ZDHHC14: variants seen among roughly 807,000 people sequenced by gnomAD.
ZDHHC14 encodes the protein zDHHC palmitoyltransferase 14, also known as palmitoyltransferase ZDHHC14.
Under a neutral mutation model 47.7 loss-of-function variants are expected in ZDHHC14, and 16 were observed. The ratio of observed to expected loss-of-function variants is 0.34; its 90% CI spans 0.23 to 0.51. ZDHHC14 has a LOEUF of 0.51. Ranked by LOEUF, ZDHHC14 falls within the 20% of genes least tolerant of loss-of-function variation. ZDHHC14 has a pLI of 0.97. For synonymous variants in ZDHHC14, 293 were observed against 278.9 expected (o/e 1.05, Z -0.50); for missense variants, 515 against 662.5 (o/e 0.78, Z 2.44).
chr6:157,468,972 G>A lies in ZDHHC14; in HGVS notation c.246-73613G>A, dbSNP rs111576341. On this transcript the variant is annotated intron_variant, in intron 1 of 8. Coordinates refer to ENST00000359775, the MANE Select transcript of ZDHHC14 (RefSeq NM_024630.3). ...AAACCCAGGTCTCTATTCCCCTAGG[G>A]CCATCTTCCCAGGAGATGATATTTC... Among the ~76,000 whole-genome samples the A allele has an allele frequency of 4.4e-3, 673 of 152,270 alleles. 5 individuals are homozygous for A. Among genetic ancestry groups the A allele is most frequent in the African/African-American group, 0.015 (615 of 41,548 alleles).
chr6:157,650,857 T>C (rs139732132), intron 7 of ZDHHC14, among the ~76,000 whole-genome samples: 52 of 152,318 alleles, frequency 3.4e-4, no homozygotes, highest in South Asian at 1.0e-3. Context: ...ACCAGCTTGC[T>C]GGCCAACAGT....
At chr6:157,428,135 T>C (rs1562421225) in intron 1 of ZDHHC14, among the ~76,000 whole-genome samples, 2 of 151,940 alleles carry the variant, frequency 1.3e-5, no homozygotes, top group East Asian at 3.9e-4. Context: ...GGGAGGAGAG[T>C]GCCGCAAAGG....
chr6:157,653,013 A>AG (rs1777910570), intron 7 of ZDHHC14, among the ~76,000 whole-genome samples: 1 of 152,144 alleles, frequency 6.6e-6, no homozygotes, highest in Non-Finnish European at 1.5e-5. Flanking sequence ...TTAGGAAGAG[A>AG]GGGGGGAAGA....
At chr6:157,504,993 A>T (rs1780291888) in intron 1 of ZDHHC14, among the ~76,000 whole-genome samples, 1 of 151,770 alleles carries the variant, frequency 6.6e-6, no homozygotes, top group Non-Finnish European at 1.5e-5. Flanking sequence ...TATTTTTAGT[A>T]GAGATGGGGT....
At chr6:157,413,963 G>T (rs1777921903) in intron 1 of ZDHHC14, among the ~76,000 whole-genome samples, 1 of 151,994 alleles carries the variant, frequency 6.6e-6, no homozygotes, top group African/African-American at 2.4e-5. Context: ...TTGAGACAGA[G>T]TCTCACTCTG....
At chr6:157,613,178 G>A (rs996831142) in intron 3 of ZDHHC14, among the ~76,000 whole-genome samples, 2 of 152,168 alleles carry the variant, frequency 1.3e-5, no homozygotes, top group African/African-American at 2.4e-5. Context: ...AGGGCCTCAC[G>A]TGTGCCTCCT....
intron 3 of ZDHHC14, among the ~76,000 whole-genome samples, chr6:157,609,301 A>G (rs891042167): frequency 1.3e-5 from 2 of 152,178 alleles, no homozygotes; most frequent in African/African-American, 2.4e-5. Flanking sequence ...AAATGGATGT[A>G]GCAGCAATGG....
chr6:157,602,489 CAAAA>C (rs552594669), intron 3 of ZDHHC14, among the ~76,000 whole-genome samples: 7 of 60,612 alleles, frequency 1.2e-4, no homozygotes, highest in Non-Finnish European at 1.3e-4. Context: ...GACTCCGTTT[CAAAA>C]AAAAAAAAAA....
intron 1 of ZDHHC14, among the ~76,000 whole-genome samples, chr6:157,466,788 A>T (rs991763176): frequency 4.6e-5 from 7 of 151,888 alleles, no homozygotes; most frequent in African/African-American, 1.7e-4. Context: ...GTGAGCCGAG[A>T]TCACACCACT....
intron 1 of ZDHHC14, among the ~76,000 whole-genome samples, chr6:157,485,543 C>T (rs1275699894): frequency 6.6e-6 from 1 of 152,132 alleles, no homozygotes; most frequent in Non-Finnish European, 1.5e-5. Context: ...TGGTTTTTCT[C>T]CCTGTCCCAC....
intron 1 of ZDHHC14, among the ~76,000 whole-genome samples, chr6:157,405,677 G>A (rs1355796433): frequency 2.6e-5 from 4 of 152,136 alleles, no homozygotes; most frequent in African/African-American, 7.2e-5. Flanking sequence ...TAATCATGGT[G>A]CATTTTTGCA....
rs1014418456 is a variant in ZDHHC14, at chr6:157,570,794, C to CAT, written c.407-22186_407-22185dup. Among the ~76,000 whole-genome samples the CAT allele has an allele frequency of 1.3e-3, 187 of 147,860 alleles. 3 individuals are homozygous for CAT. The highest frequency in any genetic ancestry group is 3.9e-3 in the African/African-American group (152 of 38,756). On this transcript the variant is annotated intron_variant, in intron 2 of 8. Coordinates refer to ENST00000359775, the MANE Select transcript of ZDHHC14 (RefSeq NM_024630.3). Reference sequence around the variant, plus strand: ...ACATATATATATACACACACACACACATATATATACACACACACACACATA... The same window carrying CAT: ...ACATATATATATACACACACACACACATATATATATACACACACACACACATA...
intron 3 of ZDHHC14, among the ~76,000 whole-genome samples, chr6:157,620,476 A>G (rs1033895562): frequency 6.6e-6 from 1 of 152,260 alleles, no homozygotes; most frequent in Non-Finnish European, 1.5e-5. Context: ...AAGCTCCACA[A>G]TCGGAACAAT....
chr6:157,462,154 G>A (rs1241533027), intron 1 of ZDHHC14, among the ~76,000 whole-genome samples: 2 of 152,150 alleles, frequency 1.3e-5, no homozygotes, highest in Non-Finnish European at 2.9e-5. Context: ...CCTCTGTGTT[G>A]TCATGAATTT....
chr6:157,493,331 C>T (rs1044086347), intron 1 of ZDHHC14, among the ~76,000 whole-genome samples: 3 of 152,198 alleles, frequency 2.0e-5, no homozygotes, highest in African/African-American at 7.2e-5. Context: ...CAAGGGCGAG[C>T]GGGACGGTCT....
chr6:157,615,171 T>G (rs1784917294), intron 3 of ZDHHC14, among the ~76,000 whole-genome samples: 1 of 152,222 alleles, frequency 6.6e-6, no homozygotes, highest in South Asian at 2.1e-4. Flanking sequence ...CCTGTTCTTT[T>G]GAGTGCCTTT....
At chr6:157,588,042 G>C (rs1171998927) in intron 2 of ZDHHC14, among the ~76,000 whole-genome samples, 1 of 152,160 alleles carries the variant, frequency 6.6e-6, no homozygotes, top group Non-Finnish European at 1.5e-5. Flanking sequence ...GCCACCTGAG[G>C]TCAGGAGTTT....
intron 2 of ZDHHC14, among the ~76,000 whole-genome samples, chr6:157,589,294 A>C (rs1410260112): frequency 6.6e-6 from 1 of 152,178 alleles, no homozygotes; most frequent in African/African-American, 2.4e-5. Context: ...ACCTCCCACC[A>C]GGCCCCTCCT....
rs1393545736 is a variant in ZDHHC14, at chr6:157,675,002, A to C, written c.*1880A>C. 2.0e-5 allele frequency: 3 copies of C among 152,244 alleles called. No individual in the cohort carries two copies. In the East Asian group the frequency reaches 5.8e-4, roughly 29 times the overall value. 9.4% of individuals were successfully genotyped at this position (152,244 alleles called of 1,614,324 possible). On this transcript the variant is annotated 3_prime_UTR_variant, in exon 9 of 9. Coordinates refer to ENST00000359775, the MANE Select transcript of ZDHHC14 (RefSeq NM_024630.3). The stretch of plus-strand genomic sequence containing the variant: ...CACACGCTCACAGGCACCAACTCAC[A>C]GGGATTCTCCTTGTCCACGCTACCT...
Sources: gnomAD v4.1 joint callset for allele counts (sites outside exome capture counted in the v4.1 genomes callset) on GRCh38, gnomAD v4.1.1 for gene constraint, MANE v1.5 for transcripts, NCBI Gene and HGNC (gene_info 2026-07-23, HGNC 2026-07-21) for gene names.